LRRC7: variants seen among roughly 807,000 people sequenced by gnomAD.
LRRC7 encodes leucine-rich repeat-containing protein 7.
In LRRC7, 23 loss-of-function variants were observed where a neutral mutation model predicts 175.7. The observed-to-expected ratio is 0.13, with a 90% CI of 0.09 to 0.19. The LOEUF (loss-of-function observed/expected upper bound fraction) is 0.19. LRRC7 is among the 10% of genes least tolerant of loss of function. LRRC7 has a pLI of 1.00. For missense variants in LRRC7, 1,354 were observed against 1,904.7 expected (o/e 0.71, Z 5.38); for synonymous variants, 685 against 680.9 (o/e 1.01, Z -0.09).
intron 7 of LRRC7, among the ~76,000 whole-genome samples, chr1:69,924,797 C>G (rs1239417350): frequency 1.3e-5 from 2 of 152,156 alleles, no homozygotes; most frequent in Non-Finnish European, 2.9e-5. Flanking sequence ...TTATTTCTTT[C>G]TCATGCCTGA....
intron 1 of LRRC7, among the ~76,000 whole-genome samples, chr1:69,606,271 G>A (rs538145808): frequency 2.0e-4 from 30 of 152,012 alleles, no homozygotes; most frequent in Admixed American, 1.2e-3. Flanking sequence ...AGAACACCCC[G>A]AGCCTAGAAA....
intron 1 of LRRC7, chr1:69,607,850 C>G (rs1647869487): frequency 2.0e-5 from 3 of 152,110 alleles, no homozygotes; most frequent in Admixed American, 2.0e-4. Flanking sequence ...ATTGATTCTT[C>G]TATTTGGAAT....
chr1:69,873,286 C>T (rs1685735923), intron 7 of LRRC7, among the ~76,000 whole-genome samples: 1 of 151,982 alleles, frequency 6.6e-6, no homozygotes, highest in South Asian at 2.1e-4. Flanking sequence ...ACATTTTTTC[C>T]TAATCCTAGA....
chr1:70,121,676 A>G, intron 26 of LRRC7, 104 bp from the exon 27 acceptor site: 1 of 710,354 alleles, frequency 1.4e-6, no homozygotes, highest in Non-Finnish European at 2.4e-6. Context: ...ATAAAAACTG[A>G]CAACTTTTTG....
intron 1 of LRRC7, among the ~76,000 whole-genome samples, chr1:69,672,942 G>A (rs555901660): frequency 4.6e-5 from 7 of 152,242 alleles, no homozygotes; most frequent in South Asian, 4.1e-4. Flanking sequence ...GTGCTTTTCT[G>A]GCTACTCTTT....
chr1:69,633,615 G>T (rs1185585901), intron 1 of LRRC7, among the ~76,000 whole-genome samples: 2 of 151,932 alleles, frequency 1.3e-5, no homozygotes, highest in East Asian at 3.9e-4. Context: ...TTTTGGCAGA[G>T]ATAGTATTTC....
chr1:69,906,199 T>A (rs1646303897), intron 7 of LRRC7, among the ~76,000 whole-genome samples: 1 of 152,166 alleles, frequency 6.6e-6, no homozygotes, highest in African/African-American at 2.4e-5. Flanking sequence ...TTTTCTCCCA[T>A]TTTGTGGGTT....
At chr1:70,083,004 C>T (rs566095114) in intron 24 of LRRC7, among the ~76,000 whole-genome samples, 60 of 151,572 alleles carry the variant, frequency 4.0e-4, no homozygotes, top group African/African-American at 1.2e-3. Context: ...AGGCTGGTCT[C>T]GAACTCCTGG....
Position 69,777,893 on chromosome 1 carries a change from T to C in LRRC7, c.304-14150T>C, listed in dbSNP as rs138068222. Among the ~76,000 whole-genome samples the C allele has an allele frequency of 2.8e-3, 426 of 152,194 alleles. 2 individuals are homozygous for C. The highest frequency in any genetic ancestry group is 7.9e-3 in the African/African-American group (330 of 41,518). On this transcript the variant is annotated intron_variant, in intron 3 of 26. Coordinates refer to ENST00000651989, the MANE Select transcript of LRRC7 (RefSeq NM_001370785.2). Reference sequence around the variant, plus strand: ...AGCCAACAGTGACCCATTCCAAATATAAATATGACCAGACTGTAACCTAAG... The same window carrying C: ...AGCCAACAGTGACCCATTCCAAATACAAATATGACCAGACTGTAACCTAAG...
chr1:69,580,636 C>T (rs991361900), intron 1 of LRRC7, among the ~76,000 whole-genome samples: 1 of 152,114 alleles, frequency 6.6e-6, no homozygotes, highest in African/African-American at 2.4e-5. Context: ...CTGGAATCTG[C>T]AACTTTTTCA....
At chr1:69,893,805 A>T (rs2101649876) in intron 7 of LRRC7, among the ~76,000 whole-genome samples, 1 of 135,870 alleles carries the variant, frequency 7.4e-6, no homozygotes, top group South Asian at 2.3e-4. Context: ...AATTTCTCAT[A>T]CTTGAAAACC....
chr1:69,614,553 A>G (rs1259568410), intron 1 of LRRC7, among the ~76,000 whole-genome samples: 1 of 151,986 alleles, frequency 6.6e-6, no homozygotes, highest in Non-Finnish European at 1.5e-5. Flanking sequence ...AGGCACGTTG[A>G]TATCATTGAC....
At chr1:69,948,810 G>A (rs1338117488) in intron 8 of LRRC7, among the ~76,000 whole-genome samples, 2 of 152,166 alleles carry the variant, frequency 1.3e-5, no homozygotes, top group Non-Finnish European at 2.9e-5. Context: ...CGTGGATGAA[G>A]AATTACTGAT....
rs1455216399 is a variant in LRRC7 at position 69,608,739 on chromosome 1, C to T, written c.2+40098C>T. Among the ~76,000 whole-genome samples the T allele has an allele frequency of 3.3e-5, 5 of 150,574 alleles. No homozygotes were observed. The East Asian group carries it at 9.9e-4, about 30-fold the overall frequency. ...TGTAAGAACTCTGACCTTAAAAATC[C>T]TGTATTTTACCAAATATTTTACCTA... On this transcript the variant is annotated intron_variant, in intron 1 of 26. Coordinates refer to ENST00000651989, the MANE Select transcript of LRRC7 (RefSeq NM_001370785.2).
intron 11 of LRRC7, among the ~76,000 whole-genome samples, chr1:69,999,028 C>G (rs1655276751): frequency 6.6e-6 from 1 of 152,210 alleles, no homozygotes. Flanking sequence ...CTAACTCTGT[C>G]TCCTCCCCAG....
chr1:69,779,623 A>C (rs916682968), intron 3 of LRRC7, among the ~76,000 whole-genome samples: 4 of 152,190 alleles, frequency 2.6e-5, no homozygotes, highest in Non-Finnish European at 1.5e-5. Flanking sequence ...TCCTCTTCCA[A>C]AGGGAAAAAT....
intron 10 of LRRC7, among the ~76,000 whole-genome samples, chr1:69,989,546 C>G (rs892153942): frequency 1.5e-4 from 23 of 151,872 alleles, no homozygotes; most frequent in African/African-American, 3.9e-4. Flanking sequence ...TGCTGAGGAA[C>G]AGAACAGGCA....
At chr1:69,811,641 A>G (rs976175735) in intron 4 of LRRC7, among the ~76,000 whole-genome samples, 1 of 152,120 alleles carries the variant, frequency 6.6e-6, no homozygotes, top group Non-Finnish European at 1.5e-5. Flanking sequence ...GAAGCTGGAA[A>G]CCATCATTCT....
intron 15 of LRRC7, 113 bp from the exon 16 acceptor site, chr1:70,020,892 C>T: frequency 2.8e-6 from 2 of 721,076 alleles, no homozygotes; most frequent in South Asian, 1.1e-4. Flanking sequence ...TTTCTTTCTT[C>T]TTTATTTCCG....
Sources: allele counts gnomAD v4.1 joint callset (sites outside exome capture counted in the v4.1 genomes callset), GRCh38; gene constraint gnomAD v4.1.1; transcripts MANE v1.5; gene names NCBI Gene and HGNC (gene_info 2026-07-23, HGNC 2026-07-21).